Variants in GNA14 observed in about 807,000 individuals in gnomAD.
GNA14 encodes the protein guanine nucleotide-binding protein subunit alpha-14.
Under a neutral mutation model 42.0 loss-of-function variants are expected in GNA14, and 50 were observed. The ratio of observed to expected loss-of-function variants is 1.19; its 90% CI spans 0.95 to 1.51. The LOEUF (loss-of-function observed/expected upper bound fraction) is 1.51, where lower values mean the gene tolerates loss of function less well. Ranked by LOEUF, GNA14 falls within the 40% of genes most tolerant of loss-of-function variation. The pLI is 0.00. For synonymous variants in GNA14, 173 were observed against 163.1 expected, an observed-to-expected ratio of 1.06 and a Z score of -0.46; for missense variants, 473 against 446.2, an observed-to-expected ratio of 1.06 and a Z score of -0.54.
chr9:77,566,926 A>G (rs765791831), intron 1 of GNA14, among the ~76,000 whole-genome samples: 12 of 152,186 alleles, frequency 7.9e-5, no homozygotes, highest in Non-Finnish European at 1.5e-4. Context: ...AATTAAAAAT[A>G]ATAATAATTA....
intron 2 of GNA14, among the ~76,000 whole-genome samples, chr9:77,517,287 C>T (rs964143933): frequency 8.6e-5 from 13 of 151,630 alleles, no homozygotes; most frequent in Admixed American, 4.6e-4. Flanking sequence ...AGGGAGGGGC[C>T]GCTCATTCAT....
At chr9:77,522,263 C>T (rs1432713885) in intron 2 of GNA14, among the ~76,000 whole-genome samples, 1 of 152,164 alleles carries the variant, frequency 6.6e-6, no homozygotes, top group Non-Finnish European at 1.5e-5. Flanking sequence ...AAGAAGGCGC[C>T]ATTGATGAGA....
chr9:77,643,829 A>T (rs1435844434), intron 1 of GNA14, among the ~76,000 whole-genome samples: 1 of 152,200 alleles, frequency 6.6e-6, no homozygotes, highest in East Asian at 1.9e-4. Context: ...GTCAACTAAA[A>T]TGGAAAATGA....
chr9:77,429,001 C>T lies in GNA14; in HGVS notation c.629G>A (p.Arg210Gln), dbSNP rs773024576. 12 of 1,613,794 alleles carry T rather than the reference C, an allele frequency of 7.4e-6. No individual in the cohort carries two copies. Among genetic ancestry groups the T allele is most frequent in the African/African-American group, 4.0e-5 (3 of 74,906 alleles). Reference protein sequence around the residue: ...VDVGGQRSERRKWIHCFESVT... With the variant: ...VDVGGQRSERQKWIHCFESVT... The stretch of plus-strand genomic sequence containing the variant: ...ACTCTCAAAGCAGTGAATCCACTTC[C>T]GTCTTTCCGATCGTTGGCCACCAAC... Residue 210 changes from arginine to glutamine, a missense_variant, in exon 5 of 7, where the codon CGG becomes CAG. Arg to Gln is a conservative substitution (Grantham distance 43, BLOSUM62 1). Transcript: ENST00000341700.
chr9:77,570,700 T>A (rs1316837457), intron 1 of GNA14, among the ~76,000 whole-genome samples: 1 of 152,218 alleles, frequency 6.6e-6, no homozygotes, highest in African/African-American at 2.4e-5. Context: ...GCTATGCACA[T>A]TCATGTACAA....
chr9:77,434,612 G>A, intron 2 of GNA14, 90 bp from the exon 3 acceptor site: 1 of 1,161,466 alleles, frequency 8.6e-7, no homozygotes, highest in Non-Finnish European at 1.2e-6. Flanking sequence ...CTGGTCTGTG[G>A]ATTTGGAGAG....
At chr9:77,456,110 T>A (rs1835994950) in intron 2 of GNA14, among the ~76,000 whole-genome samples, 1 of 152,194 alleles carries the variant, frequency 6.6e-6, no homozygotes, top group Non-Finnish European at 1.5e-5. Context: ...TATATGATCT[T>A]TACAACCACT....
chr9:77,636,661 G>A (rs1014183967), intron 1 of GNA14, among the ~76,000 whole-genome samples: 1 of 152,208 alleles, frequency 6.6e-6, no homozygotes, highest in Admixed American at 6.5e-5. Flanking sequence ...CAAGAGAGGT[G>A]GGGAAGTGCC....
At chr9:77,557,406 G>A (rs1822801522) in intron 1 of GNA14, among the ~76,000 whole-genome samples, 1 of 152,160 alleles carries the variant, frequency 6.6e-6, no homozygotes, top group Admixed American at 6.5e-5. Context: ...AATCAGTGAA[G>A]ACCACCTTGC....
intron 1 of GNA14, among the ~76,000 whole-genome samples, chr9:77,532,259 G>T (rs1837540393): frequency 6.6e-6 from 1 of 152,172 alleles, no homozygotes; most frequent in African/African-American, 2.4e-5. Flanking sequence ...AGCACCCCTA[G>T]TTATGAGCTG....
In GNA14 at chr9:77,426,009, G is replaced by T. The variant is rs116222853; in HGVS notation, c.724-294C>A. ...AGTAAGAAAGGCTTTGGTGCAGCTT[G>T]GAAAAGGAAGGTTCCTACCCACGTT... On this transcript the variant is annotated intron_variant, in intron 5 of 6. Coordinates refer to ENST00000341700, the MANE Select transcript of GNA14 (RefSeq NM_004297.4). Among the ~76,000 whole-genome samples the T allele has an allele frequency of 8.3e-3, 1,258 of 152,300 alleles. 21 individuals carry two copies. The highest frequency in any genetic ancestry group is 0.029 in the African/African-American group (1,211 of 41,560).
At chr9:77,527,256 TA>T (rs1353094197) in intron 2 of GNA14, among the ~76,000 whole-genome samples, 2 of 152,018 alleles carry the variant, frequency 1.3e-5, no homozygotes, top group African/African-American at 4.8e-5. Flanking sequence ...AAAGGGTAAG[TA>T]AAAAAAGAAC....
chr9:77,495,173 A>G (rs566543077), intron 2 of GNA14, among the ~76,000 whole-genome samples: 12 of 152,248 alleles, frequency 7.9e-5, no homozygotes, highest in Admixed American at 7.2e-4. Context: ...TCTAACTTAG[A>G]TTAGACCAAA....
intron 1 of GNA14, among the ~76,000 whole-genome samples, chr9:77,597,277 G>C (rs375176094): frequency 1.1e-4 from 16 of 152,222 alleles, no homozygotes; most frequent in African/African-American, 2.9e-4. Flanking sequence ...CAAACCAAAC[G>C]TCTTGCCCTT....
chr9:77,425,297 CT>C (rs1835436385), intron 6 of GNA14, among the ~76,000 whole-genome samples: 1 of 152,082 alleles, frequency 6.6e-6, no homozygotes, highest in Non-Finnish European at 1.5e-5. Context: ...AAGGGGAGGC[CT>C]TTGCTGGGTT....
At chr9:77,440,720 C>A (rs1335556359) in intron 2 of GNA14, among the ~76,000 whole-genome samples, 1 of 151,780 alleles carries the variant, frequency 6.6e-6, no homozygotes, top group Non-Finnish European at 1.5e-5. Context: ...TCCTTTGTTT[C>A]TTTTTTCTTT....
In GNA14 at chr9:77,434,514, G is replaced by C; in HGVS notation, c.318C>G (p.Ala106=). 6.2e-7 allele frequency: 1 copy of C among 1,612,766 alleles called. No individual in the cohort carries two copies. Among genetic ancestry groups the C allele is most frequent in the Non-Finnish European group, 8.5e-7 (1 of 1,179,566 alleles). ...CCACTTCCACTTCTCTGATTATCTG[G>C]GCATTTTCCTACTCAAAGGAAAGAG... is the stretch of plus-strand genomic sequence containing the variant. The part of the protein sequence containing the change: ...QYVCEQNKEN[A]QIIREVEVDK... The change falls in exon 3 of 7, where the codon GCC becomes GCG. Residue 106 remains alanine (A), a synonymous_variant. Coordinates refer to ENST00000341700, the MANE Select transcript of GNA14 (RefSeq NM_004297.4).
chr9:77,436,574 G>A (rs1835641733), intron 2 of GNA14, among the ~76,000 whole-genome samples: 1 of 152,140 alleles, frequency 6.6e-6, no homozygotes, highest in Admixed American at 6.5e-5. Flanking sequence ...CCTGGACAGT[G>A]TTTATCCAGT....
chr9:77,498,387 A>G (rs7043699), intron 2 of GNA14, among the ~76,000 whole-genome samples: 3 of 91,902 alleles, frequency 3.3e-5, no homozygotes, highest in Non-Finnish European at 7.1e-5. Flanking sequence ...AAAAAAAAAA[A>G]AGAAAAAAAA....
Sources: allele counts gnomAD v4.1 joint callset (sites outside exome capture counted in the v4.1 genomes callset), GRCh38; gene constraint gnomAD v4.1.1; transcripts MANE v1.5; gene names NCBI Gene and HGNC (gene_info 2026-07-23, HGNC 2026-07-21).